PTPRH: variants seen among roughly 807,000 people sequenced by gnomAD.
PTPRH encodes protein tyrosine phosphatase receptor type H, also known as receptor-type tyrosine-protein phosphatase H.
Under a neutral mutation model 130.2 loss-of-function variants are expected in PTPRH, and 113 were observed. The ratio of observed to expected loss-of-function variants is 0.87; its 90% CI spans 0.75 to 1.01. The LOEUF (loss-of-function observed/expected upper bound fraction) is 1.01, where lower values mean the gene tolerates loss of function less well. Ranked by LOEUF, PTPRH falls within the 50% of genes least tolerant of loss-of-function variation. The pLI, the probability that PTPRH is intolerant of heterozygous loss-of-function variation, is 0.00. For synonymous variants in PTPRH, 556 were observed against 577.9 expected (o/e 0.96, Z 0.54); for missense variants, 1,430 against 1,425.0 (o/e 1.00, Z -0.06).
chr19:55,202,656 TAC>T (rs1393502095), intron 5 of PTPRH, among the ~76,000 whole-genome samples: 30 of 150,540 alleles, frequency 2.0e-4, no homozygotes, highest in African/African-American at 7.4e-4. Context: ...TATATATACA[TAC>T]ACATATATAT....
chr19:55,201,519 A>G (rs2086863299), intron 6 of PTPRH, among the ~76,000 whole-genome samples: 1 of 152,250 alleles, frequency 6.6e-6, no homozygotes, highest in African/African-American at 2.4e-5. Context: ...TTTTGAGCAC[A>G]TGAAATGTGA....
chr19:55,185,481 G>C (rs746794973), intron 18 of PTPRH, 21 bp downstream of exon 18: 1 of 1,611,966 alleles, frequency 6.2e-7, no homozygotes, highest in South Asian at 1.1e-5. Context: ...TCAAGGGAGA[G>C]GGTCCTGGGC....
chr19:55,182,208 C>T (rs2086197872), intron 18 of PTPRH, 57 bp from the exon 19 acceptor site: 3 of 1,566,010 alleles, frequency 1.9e-6, no homozygotes, highest in Non-Finnish European at 2.6e-6. Flanking sequence ...GGTCCGGGGT[C>T]ATGGCTGATT....
At chr19:55,189,737 T>C (rs1361153478) in intron 12 of PTPRH, 3 of 455,938 alleles carry the variant, frequency 6.6e-6, no homozygotes, top group Admixed American at 2.4e-5. Flanking sequence ...TGCAAACACT[T>C]TGGGAGGCCG....
intron 3 of PTPRH, among the ~76,000 whole-genome samples, chr19:55,206,328 C>CTTT (rs571836867): frequency 3.7e-5 from 5 of 134,192 alleles, no homozygotes; most frequent in African/African-American, 1.4e-4. Flanking sequence ...GTTTTCTTTT[C>CTTT]TTTTTTTTTT....
At position 55,191,515 on chromosome 19, in the gene PTPRH, C is replaced by A; in HGVS notation, c.2370G>T (p.Arg790Ser). The change falls in exon 12 of 20, where the codon AGG becomes AGT. Residue 790 changes from arginine (R) to serine (S), a missense_variant. By Grantham distance (110) the Arg-to-Ser change is moderately radical. Coordinates refer to ENST00000376350, the MANE Select transcript of PTPRH (RefSeq NM_002842.5). ...NKKKQQKPEL[R>S]DLVFSSPGDI... ...CTTCTGCTCACCTAAAGACCAGATC[C>A]CTGAGTTCTGGTTTCTGCTGCTTCT... 2 of 1,614,188 alleles carry A rather than the reference C, an allele frequency of 1.2e-6. No homozygotes were observed. The highest frequency in any genetic ancestry group is 1.7e-6 in the Non-Finnish European group (2 of 1,180,024).
Position 55,188,135 on chromosome 19 carries a change from A to C in PTPRH, c.2418T>G (p.Ala806=), listed in dbSNP as rs760694309. Residue 806 remains alanine (A), a synonymous_variant, in exon 13 of 20, where the codon GCT becomes GCG. Transcript: ENST00000376350. ...SPGDIPAEDF[A]DHVRKNERDS... ...CCCTCTCATTCTTCCTGACGTGGTC[A>C]GCGAAGTCTTCAGCTGGGATGTCCC... 1 of 1,614,114 alleles carries C rather than the reference A, an allele frequency of 6.2e-7. No individual in the cohort carries two copies.
chr19:55,206,542 T>G, intron 3 of PTPRH, 147 bp downstream of exon 3: 1 of 834,428 alleles, frequency 1.2e-6, no homozygotes, highest in Non-Finnish European at 1.7e-6. Flanking sequence ...TATTTTTATG[T>G]GGCTGATAGA....
At chr19:55,192,184 C>T (rs974424276) in intron 10 of PTPRH, 13 of 352,976 alleles carry the variant, frequency 3.7e-5, no homozygotes, top group East Asian at 1.5e-4. Context: ...GGGCACATCA[C>T]GAGGTCAGGA....
chr19:55,195,724 C>T (rs1889566791), intron 10 of PTPRH, among the ~76,000 whole-genome samples: 1 of 152,164 alleles, frequency 6.6e-6, no homozygotes, highest in Admixed American at 6.5e-5. Flanking sequence ...CAGACACACA[C>T]CACCACAGCT....
chr19:55,190,020 A>T (rs1036518249), intron 12 of PTPRH, among the ~76,000 whole-genome samples: 28 of 151,910 alleles, frequency 1.8e-4, no homozygotes, highest in African/African-American at 5.8e-4. Flanking sequence ...AAATAAAATA[A>T]AATAAAATAA....
chr19:55,207,236 A>T (rs200486445), intron 1 of PTPRH, 37 bp from the exon 2 acceptor site: 1 of 1,607,366 alleles, frequency 6.2e-7, no homozygotes, highest in East Asian at 2.2e-5. Context: ...TCAGCCTCTC[A>T]ACCACTCCTC....
At chr19:55,191,046 G>A (rs1431989784) in intron 12 of PTPRH, among the ~76,000 whole-genome samples, 1 of 152,068 alleles carries the variant, frequency 6.6e-6, no homozygotes, top group Non-Finnish European at 1.5e-5. Context: ...GTTTCACCAC[G>A]TTAGCCAGGA....
At chr19:55,204,357 G>A (rs1195143375) in intron 4 of PTPRH, among the ~76,000 whole-genome samples, 3 of 152,016 alleles carry the variant, frequency 2.0e-5, no homozygotes, top group African/African-American at 4.8e-5. Flanking sequence ...CTCCCACCTC[G>A]GCCTCCCAAA....
chr19:55,188,239 A>T lies in PTPRH; in HGVS notation c.2385-71T>A, dbSNP rs1263707865. 4.4e-5 allele frequency: 55 copies of T among 1,256,012 alleles called. 2 individuals carry two copies. In the East Asian group the frequency reaches 1.3e-3, roughly 29 times the overall value. The allele number at this position is 1,256,012 out of a possible 1,614,324, so 77.8% of individuals were successfully genotyped here. On this transcript the variant is annotated intron_variant, in intron 12 of 19. Coordinates refer to ENST00000376350, the MANE Select transcript of PTPRH (RefSeq NM_002842.5). ...AATCTTGCACTTTTGAGGGCTGGGC[A>T]TGGTGGCTCACGCCTGTAATCCCAG...
At chr19:55,200,196 C>T in intron 7 of PTPRH, 40 bp downstream of exon 7, 2 of 1,607,444 alleles carry the variant, frequency 1.2e-6, no homozygotes, top group East Asian at 2.2e-5. Flanking sequence ...TGGTTCTTAA[C>T]CTCTCACCAA....
chr19:55,197,622 C>T (rs1469731657), intron 8 of PTPRH, among the ~76,000 whole-genome samples: 2 of 152,158 alleles, frequency 1.3e-5, no homozygotes, highest in Non-Finnish European at 2.9e-5. Context: ...GGCTACAGCC[C>T]TGGGTCCCAC....
At chr19:55,195,636 C>T (rs942119103) in intron 10 of PTPRH, among the ~76,000 whole-genome samples, 1 of 152,172 alleles carries the variant, frequency 6.6e-6, no homozygotes, top group Non-Finnish European at 1.5e-5. Context: ...GCAGTGGCCC[C>T]GATCATAGTT....
rs771557443 is a variant in PTPRH at position 55,203,942 on chromosome 19, G to A, written c.726C>T (p.Cys242=). 236 of 1,614,176 alleles carry A rather than the reference G, an allele frequency of 1.5e-4. 1 individual carries two copies. In the East Asian group the frequency reaches 3.1e-3, roughly 21 times the overall value. ...TGCCACCATCTCCAGTGCACTGAAC[G>A]CAGTAGGTCGAGTTCTGTGGGTCTG... ...DGTDPQNSTY[C]VQCTGDGGRT... Residue 242 remains cysteine, a synonymous_variant, in exon 5 of 20, where the codon TGC becomes TGT. Coordinates refer to ENST00000376350, the MANE Select transcript of PTPRH (RefSeq NM_002842.5).
Sources: allele counts gnomAD v4.1 joint callset (sites outside exome capture counted in the v4.1 genomes callset), GRCh38; gene constraint gnomAD v4.1.1; transcripts MANE v1.5; gene names NCBI Gene and HGNC (gene_info 2026-07-23, HGNC 2026-07-21).